Variants in ATP9A observed in about 807,000 individuals in gnomAD.
ATP9A encodes ATPase phospholipid transporting 9A.
Under a neutral mutation model 144.1 loss-of-function variants are expected in ATP9A, and 52 were observed. That is an observed-to-expected ratio of 0.36 (90% confidence interval 0.29 to 0.45). The LOEUF is 0.45. ATP9A is among the 20% of genes least tolerant of loss of function. The probability of loss-of-function intolerance (pLI) is 1.00; values close to 1 mark genes in which losing one functional copy is unlikely to be tolerated. For missense variants in ATP9A, 947 were observed against 1,392.7 expected, an observed-to-expected ratio of 0.68 and a Z score of 5.09; for synonymous variants, 582 against 557.4, an observed-to-expected ratio of 1.04 and a Z score of -0.62.
intron 14 of ATP9A, among the ~76,000 whole-genome samples, chr20:51,651,302 T>C (rs984561128): frequency 4.0e-5 from 5 of 126,568 alleles, no homozygotes. Flanking sequence ...ATAATATATA[T>C]TTACATAATA....
At chr20:51,606,382 C>T (rs1420868401) in intron 26 of ATP9A, among the ~76,000 whole-genome samples, 2 of 151,938 alleles carry the variant, frequency 1.3e-5, no homozygotes, top group Admixed American at 6.6e-5. Flanking sequence ...ACAAAACATA[C>T]ATAAAAATGG....
intron 3 of ATP9A, among the ~76,000 whole-genome samples, chr20:51,724,820 T>C (rs2077705388): frequency 6.6e-6 from 1 of 152,330 alleles, no homozygotes; most frequent in Non-Finnish European, 1.5e-5. Context: ...CACAAAAGCA[T>C]AGATTCTGCT....
rs374376641 is a variant in ATP9A, at chr20:51,625,318, G to A, written c.1890C>T (p.Leu630=). 1.4e-5 allele frequency: 23 copies of A among 1,614,056 alleles called. No homozygotes were observed. In the African/African-American group the frequency reaches 2.9e-4, roughly 21 times the overall value. The change falls in exon 18 of 28, where the codon CTC becomes CTT. Residue 630 remains leucine, a synonymous_variant. Transcript: ENST00000338821. Reference sequence around the variant, plus strand: ...GGCTCTCGATCACCGTGGCCACTTTGAGGGAGCGGTCGTGCACACTCAGCT... The same window carrying A: ...GGCTCTCGATCACCGTGGCCACTTTAAGGGAGCGGTCGTGCACACTCAGCT... ...QAKLSVHDRS[L]KVATVIESLE...
chr20:51,736,098 AC>A (rs1488437265), intron 1 of ATP9A, among the ~76,000 whole-genome samples: 1 of 152,234 alleles, frequency 6.6e-6, no homozygotes, highest in African/African-American at 2.4e-5. Context: ...GCTGCCATGC[AC>A]CCATACAAGG....
intron 15 of ATP9A, among the ~76,000 whole-genome samples, chr20:51,630,983 C>T (rs565940730): frequency 5.3e-5 from 8 of 152,186 alleles, no homozygotes; most frequent in South Asian, 4.2e-4. Flanking sequence ...GTTTTCCTGC[C>T]GCCCAAAACT....
chr20:51,741,051 A>AAATTTTAATTAATTAATTAAAAATTT (rs1568843764), intron 1 of ATP9A, among the ~76,000 whole-genome samples: 2 of 151,446 alleles, frequency 1.3e-5, no homozygotes, highest in Admixed American at 6.6e-5. Flanking sequence ...AATTAAAAAT[A>AAATTTTAATTAATTAATTAAAAATTT]AATTTTAATT....
chr20:51,661,017 C>A (rs2077408317), intron 13 of ATP9A, among the ~76,000 whole-genome samples: 1 of 152,154 alleles, frequency 6.6e-6, no homozygotes, highest in Admixed American at 6.5e-5. Context: ...AAGCACAGGT[C>A]ACTATTGGGA....
At chr20:51,722,471 A>T (rs187881247) in intron 3 of ATP9A, among the ~76,000 whole-genome samples, 192 of 152,288 alleles carry the variant, frequency 1.3e-3, no homozygotes, top group Middle Eastern at 6.8e-3. Flanking sequence ...TCCAGAATCT[A>T]CAAAGAACTC....
At chr20:51,683,485 T>G (rs765388145) in intron 9 of ATP9A, among the ~76,000 whole-genome samples, 55 of 152,160 alleles carry the variant, frequency 3.6e-4, no homozygotes, top group East Asian at 1.5e-3. Context: ...GGGTTCACCG[T>G]GTTAGCCAGG....
At chr20:51,690,300 A>G (rs890817856) in intron 8 of ATP9A, among the ~76,000 whole-genome samples, 140 of 151,856 alleles carry the variant, frequency 9.2e-4, no homozygotes, top group African/African-American at 2.8e-3. Context: ...GGCGCCTGTA[A>G]TCCCAGCTAC....
chr20:51,628,639 A>C (rs1316911970), intron 16 of ATP9A, among the ~76,000 whole-genome samples: 5 of 152,220 alleles, frequency 3.3e-5, no homozygotes, highest in Admixed American at 6.5e-5. Flanking sequence ...CCCTTAGTTC[A>C]ACAGTCCAAA....
chr20:51,667,587 C>A (rs1444172990), intron 13 of ATP9A, among the ~76,000 whole-genome samples: 1 of 152,046 alleles, frequency 6.6e-6, no homozygotes, highest in Non-Finnish European at 1.5e-5. Context: ...GGATGAAGAC[C>A]AAGGCTAGAT....
At chr20:51,704,816 T>C (rs778265012) in intron 4 of ATP9A, among the ~76,000 whole-genome samples, 3 of 152,140 alleles carry the variant, frequency 2.0e-5, no homozygotes, top group Admixed American at 6.5e-5. Flanking sequence ...AAAAACTTTA[T>C]ATCTGTACCA....
At chr20:51,606,821 C>A (rs1482863087) in intron 26 of ATP9A, among the ~76,000 whole-genome samples, 1 of 151,840 alleles carries the variant, frequency 6.6e-6, no homozygotes, top group Admixed American at 6.6e-5. Context: ...GAGGCTACGG[C>A]GAGCCGTGAT....
chr20:51,686,217 G>A (rs1244956242), intron 9 of ATP9A, among the ~76,000 whole-genome samples: 1 of 151,850 alleles, frequency 6.6e-6, no homozygotes, highest in Admixed American at 6.5e-5. Flanking sequence ...GGCCTGTCGT[G>A]GCGTGGGGGA....
At chr20:51,735,967 C>G (rs999251487) in intron 1 of ATP9A, among the ~76,000 whole-genome samples, 2 of 152,132 alleles carry the variant, frequency 1.3e-5, no homozygotes, top group Non-Finnish European at 2.9e-5. Flanking sequence ...TGGAGGGAGA[C>G]AGTAAACAAC....
At chr20:51,623,742 C>T (rs1348117077) in intron 18 of ATP9A, among the ~76,000 whole-genome samples, 5 of 147,514 alleles carry the variant, frequency 3.4e-5, no homozygotes, top group African/African-American at 1.3e-4. Context: ...GAACCGAGAT[C>T]GCACCACTGC....
intron 19 of ATP9A, 139 bp from the exon 20 acceptor site, chr20:51,619,182 G>T: frequency 1.5e-6 from 1 of 660,810 alleles, no homozygotes; most frequent in Non-Finnish European, 2.6e-6. Flanking sequence ...ACCAGAGGCA[G>T]CACCAAATGG....
intron 4 of ATP9A, among the ~76,000 whole-genome samples, chr20:51,697,800 C>T (rs1008198013): frequency 2.0e-5 from 3 of 152,122 alleles, no homozygotes; most frequent in African/African-American, 7.2e-5. Context: ...TTTTCAACAC[C>T]ACTTAACAGT....
Sources: allele counts gnomAD v4.1 joint callset (sites outside exome capture counted in the v4.1 genomes callset), GRCh38; gene constraint gnomAD v4.1.1; transcripts MANE v1.5; gene names NCBI Gene and HGNC (gene_info 2026-07-23, HGNC 2026-07-21).